CFAP44: variants seen among roughly 807,000 people sequenced by gnomAD.
CFAP44 encodes cilia- and flagella-associated protein 44.
In CFAP44, 134 loss-of-function variants were observed where a neutral mutation model predicts 216.2. The observed-to-expected ratio is 0.62, with a 90% confidence interval of 0.54 to 0.72. CFAP44 has a LOEUF of 0.72. CFAP44 is among the 30% of genes least tolerant of loss of function. The probability of loss-of-function intolerance (pLI) is 0.00; values close to 1 mark genes in which losing one functional copy is unlikely to be tolerated. For missense variants in CFAP44, 2,035 were observed against 2,182.1 expected, an observed-to-expected ratio of 0.93 and a Z score of 1.34; for synonymous variants, 700 against 727.6, an observed-to-expected ratio of 0.96 and a Z score of 0.61.
Position 113,384,168 on chromosome 3 carries a change from C to G in CFAP44, c.1891-3108G>C, listed in dbSNP as rs189902555. On this transcript the variant is annotated intron_variant, in intron 15 of 34. Transcript: ENST00000393845. ...CTGACTCATGGGTTTACACCATTCT[C>G]CTGCCTCAGCCTCCCAAGTAGGTGG... 1.9e-3 allele frequency among the ~76,000 whole-genome samples: 291 copies of G among 152,152 alleles called. 2 individuals are homozygous for G. Among genetic ancestry groups the G allele is most frequent in the African/African-American group, 5.7e-3 (238 of 41,518 alleles).
At chr3:113,296,617 G>C in intron 33 of CFAP44, 108 bp downstream of exon 33, 2 of 1,315,776 alleles carry the variant, frequency 1.5e-6, no homozygotes, top group Non-Finnish European at 2.0e-6. Flanking sequence ...GGGGGCTCGC[G>C]GACCAGCTCC....
chr3:113,320,437 T>TATC (rs1950132791), intron 28 of CFAP44, among the ~76,000 whole-genome samples: 1 of 112,534 alleles, frequency 8.9e-6, no homozygotes, highest in East Asian at 2.4e-4. Context: ...TATATATTGA[T>TATC]ATATATGATA....
At chr3:113,406,792 GT>G in intron 8 of CFAP44, 134 bp downstream of exon 8, 1 of 581,604 alleles carries the variant, frequency 1.7e-6, no homozygotes, top group South Asian at 2.7e-5. Flanking sequence ...AATTGAAGAA[GT>G]AAAATTAAAT....
intron 28 of CFAP44, among the ~76,000 whole-genome samples, chr3:113,322,172 C>T (rs149066781): frequency 5.9e-5 from 9 of 152,258 alleles, no homozygotes; most frequent in African/African-American, 2.2e-4. Flanking sequence ...AACAGACAGA[C>T]ACATAGACCG....
chr3:113,294,646 TTCC>T, intron 34 of CFAP44, 38 bp downstream of exon 34: 1 of 1,483,048 alleles, frequency 6.7e-7, no homozygotes, highest in Non-Finnish European at 8.9e-7. Context: ...TTGACAGAGC[TTCC>T]TCAATTCCGA....
intron 28 of CFAP44, among the ~76,000 whole-genome samples, chr3:113,312,238 A>ATATTTT (rs1950046666): frequency 7.7e-6 from 1 of 130,706 alleles, no homozygotes. Flanking sequence ...TGCCTGGCTA[A>ATATTTT]TTTTTTTTTT....
intron 19 of CFAP44, 61 bp from the exon 20 acceptor site, chr3:113,363,593 T>G (rs1437975044): frequency 7.1e-7 from 1 of 1,399,042 alleles, no homozygotes; most frequent in Non-Finnish European, 9.6e-7. Context: ...CCTTAAAATA[T>G]CTAGGAAGAA....
chr3:113,390,359 A>G (rs979667012), intron 15 of CFAP44, among the ~76,000 whole-genome samples: 3 of 152,104 alleles, frequency 2.0e-5, no homozygotes, highest in Non-Finnish European at 4.4e-5. Flanking sequence ...ACACAATAAA[A>G]CCCATATATG....
intron 21 of CFAP44, among the ~76,000 whole-genome samples, chr3:113,361,732 T>C (rs1410417041): frequency 2.0e-5 from 3 of 152,034 alleles, no homozygotes. Flanking sequence ...ACTCCTGACC[T>C]CATGATCCGC....
At chr3:113,375,479 T>C (rs1049262652) in intron 17 of CFAP44, among the ~76,000 whole-genome samples, 1 of 152,158 alleles carries the variant, frequency 6.6e-6, no homozygotes, top group Non-Finnish European at 1.5e-5. Flanking sequence ...TTGAATGATG[T>C]AAGATACATA....
At chr3:113,409,369 A>C in intron 6 of CFAP44, 47 bp from the exon 7 acceptor site, 2 of 1,537,362 alleles carry the variant, frequency 1.3e-6, no homozygotes, top group South Asian at 2.3e-5. Flanking sequence ...CATTTATTTC[A>C]TTTTCAAAAA....
rs546290391 is a variant in CFAP44, at chr3:113,427,531, A to G, written c.101-192T>C. ...AATAAGAAAGCCTTTTCTGTTTGTT[A>G]ATCTCCATTTTCACTTCATTTTCAG... On this transcript the variant is annotated intron_variant, in intron 2 of 34. Transcript: ENST00000393845. 6.1e-6 allele frequency: 3 copies of G among 494,126 alleles called. No homozygotes were observed. In the South Asian group the frequency reaches 9.6e-5, roughly 16 times the overall value. 30.6% of individuals were successfully genotyped at this position (494,126 alleles called of 1,614,324 possible).
rs551554901 is a variant in CFAP44, at chr3:113,321,938, C to T, written c.4516+4507G>A. The stretch of plus-strand genomic sequence containing the variant: ...ATCAATATCATTAAAATGGCATATC[C>T]TCCAAAGCAATATACAGATTCAATG... On this transcript the variant is annotated intron_variant, in intron 28 of 34. Coordinates refer to ENST00000393845, the MANE Select transcript of CFAP44 (RefSeq NM_001164496.2). Among the ~76,000 whole-genome samples, 26 of 152,198 alleles carry T rather than the reference C, an allele frequency of 1.7e-4. 1 individual carries two copies. The highest frequency in any genetic ancestry group is 1.6e-3 in the Admixed American group (25 of 15,284).
chr3:113,353,497 C>A (rs922377374), intron 22 of CFAP44, among the ~76,000 whole-genome samples: 2 of 138,238 alleles, frequency 1.4e-5, no homozygotes, highest in African/African-American at 2.8e-5. Flanking sequence ...CACACACACA[C>A]AAAACTTATA....
chr3:113,330,558 C>T lies in CFAP44; in HGVS notation c.3726G>A (p.Gln1242=), dbSNP rs1196996716. ...QCLVQELKNI[Q]STLHISKHIP... Reference sequence around the variant, plus strand: ...TGTGCTTGGATATGTGAAGAGTCGACTGAATGTTCTTCAGTTCTTGTACCA... The same window carrying T: ...TGTGCTTGGATATGTGAAGAGTCGATTGAATGTTCTTCAGTTCTTGTACCA... Residue 1242 remains glutamine, a synonymous_variant, in exon 26 of 35, where the codon CAG becomes CAA. Transcript: ENST00000393845. 6.5e-7 allele frequency: 1 copy of T among 1,537,016 alleles called. No homozygotes were observed. Among genetic ancestry groups the T allele is most frequent in the Non-Finnish European group, 8.7e-7 (1 of 1,146,878 alleles).
At position 113,358,850 on chromosome 3, in the gene CFAP44, C is replaced by T. The variant is rs901205897; in HGVS notation, c.2960G>A (p.Arg987His). The T allele has an allele frequency of 5.9e-6, 9 of 1,536,480 alleles. No homozygotes were observed. In the African/African-American group the frequency reaches 6.8e-5, roughly 12 times the overall value. Residue 987 changes from arginine to histidine, a missense_variant, in exon 22 of 35, where the codon CGT becomes CAT. Arg to His is a conservative substitution (Grantham distance 29, BLOSUM62 0). Transcript: ENST00000393845. ...RTDFDVDSQI[R>H]AEMHRKTAFK... ...AGCTGTTTTTCTGTGCATCTCAGCA[C>T]GGATTTGGGAATCTACATCAAAATC...
chr3:113,402,587 C>T (rs1157638479), intron 9 of CFAP44, among the ~76,000 whole-genome samples: 2 of 152,092 alleles, frequency 1.3e-5, no homozygotes, highest in East Asian at 3.8e-4. Flanking sequence ...CATAGATTAG[C>T]CTGGTTGGGG....
At chr3:113,383,340 T>C (rs1261318210) in intron 15 of CFAP44, among the ~76,000 whole-genome samples, 1 of 152,184 alleles carries the variant, frequency 6.6e-6, no homozygotes, top group Non-Finnish European at 1.5e-5. Flanking sequence ...GCTGCATCGA[T>C]GGTGGTCTTG....
chr3:113,327,139 T>TAATATACAAATATAACAAATAAAGG (rs1950195928), intron 27 of CFAP44, among the ~76,000 whole-genome samples: 1 of 152,168 alleles, frequency 6.6e-6, no homozygotes, highest in Non-Finnish European at 1.5e-5. Context: ...TTCTGAAATT[T>TAATATACAAATATAACAAATAAAGG]AATATACAAA....
Sources: gnomAD v4.1 joint callset for allele counts (sites outside exome capture counted in the v4.1 genomes callset) on GRCh38, gnomAD v4.1.1 for gene constraint, MANE v1.5 for transcripts, NCBI Gene and HGNC (gene_info 2026-07-23, HGNC 2026-07-21) for gene names.